PTGR3: variants seen among roughly 807,000 people sequenced by gnomAD.
The protein encoded by PTGR3 is zinc binding alcohol dehydrogenase domain containing 2.
At chr18:75,205,623 T>A in the PTGR3 span, 1 of 434,766 alleles carries the variant, frequency 2.3e-6, no homozygotes, top group Non-Finnish European at 3.1e-6. Flanking sequence ...AACGCTTTCC[T>A]CTGAACAAAA....
the PTGR3 span, chr18:75,201,205 C>A: frequency 5.4e-6 from 3 of 554,434 alleles, no homozygotes; most frequent in Non-Finnish European, 9.5e-6. Flanking sequence ...TCCCTCTTAG[C>A]CATGGAGGGA....
the PTGR3 span, among the ~76,000 whole-genome samples, chr18:75,204,254 C>T: frequency 4.6e-5 from 7 of 152,256 alleles, no homozygotes; most frequent in East Asian, 1.2e-3. Flanking sequence ...GAAAATGCAA[C>T]CCCCCCTCTC....
At chr18:75,201,527 G>A in the PTGR3 span, 1 of 1,613,976 alleles carries the variant, frequency 6.2e-7, no homozygotes, top group Non-Finnish European at 8.5e-7. Context: ...CAGTAAACCT[G>A]CCCTCTGGAG....
the PTGR3 span, chr18:75,208,852 G>A: frequency 2.0e-6 from 3 of 1,505,896 alleles, no homozygotes; most frequent in Non-Finnish European, 8.9e-7. Context: ...GGGCTCACCG[G>A]TTCCGGACGA....
At chr18:75,208,296 A>C in the PTGR3 span, 1 of 979,394 alleles carries the variant, frequency 1.0e-6, no homozygotes, top group East Asian at 1.1e-4. Flanking sequence ...CACGCAGACA[A>C]CACCGGCGAG....
chr18:75,205,289 C>A, the PTGR3 span: 1 of 985,636 alleles, frequency 1.0e-6, no homozygotes, highest in Non-Finnish European at 1.2e-6. Flanking sequence ...GGATGGGGAG[C>A]AGGGGCGGAA....
chr18:75,208,564 A>G, the PTGR3 span: 9 of 553,106 alleles, frequency 1.6e-5, no homozygotes, highest in South Asian at 8.2e-5. Context: ...CGGGAGGGGG[A>G]GGAGGGAGGG....
the PTGR3 span, among the ~76,000 whole-genome samples, chr18:75,206,505 C>G: frequency 6.6e-6 from 1 of 152,176 alleles, no homozygotes; most frequent in African/African-American, 2.4e-5. Context: ...TTAAAATGAA[C>G]TAACCTGCAG....
chr18:75,208,396 C>T, the PTGR3 span: 2 of 989,022 alleles, frequency 2.0e-6, no homozygotes, highest in South Asian at 9.4e-5. Context: ...GGGTCCCAGC[C>T]TCCTTCCTCC....
chr18:75,202,074 G>T, the PTGR3 span: 1 of 1,614,090 alleles, frequency 6.2e-7, no homozygotes, highest in Non-Finnish European at 8.5e-7. Context: ...GATGTATGCG[G>T]TGGTGCCACT....
chr18:75,196,657 A>AAAAAAAAAG, the PTGR3 span: 253 of 127,936 alleles, frequency 2.0e-3, 1 homozygote, highest in African/African-American at 4.4e-3. Context: ...AAAAAAAAAA[A>AAAAAAAAAG]GTCTGTACTT....
At chr18:75,196,839 C>T in the PTGR3 span, 3 of 151,962 alleles carry the variant, frequency 2.0e-5, no homozygotes, top group Admixed American at 6.6e-5. Context: ...AGAATAGACT[C>T]GAGGACAATG....
chr18:75,201,680 TGGCA>T, the PTGR3 span: 1 of 1,614,194 alleles, frequency 6.2e-7, no homozygotes, highest in Non-Finnish European at 8.5e-7. Flanking sequence ...GCAGTTTGGC[TGGCA>T]ATGTTCCTGC....
At chr18:75,205,438 G>A in the PTGR3 span, 2 of 985,290 alleles carry the variant, frequency 2.0e-6, no homozygotes, top group Admixed American at 1.2e-4. Context: ...AATCCGACGG[G>A]AGGATCCACT....
chr18:75,208,237 G>A, the PTGR3 span: 1 of 838,784 alleles, frequency 1.2e-6, no homozygotes, highest in Non-Finnish European at 1.4e-6. Context: ...GCGCCACGCG[G>A]CGGTCGTTAA....
chr18:75,202,655 T>C, the PTGR3 span, among the ~76,000 whole-genome samples: 1 of 84,556 alleles, frequency 1.2e-5, no homozygotes, highest in African/African-American at 5.1e-5. Flanking sequence ...CTTTCAAAAG[T>C]AGAAATAAGC....
the PTGR3 span, chr18:75,197,919 C>T: frequency 6.6e-6 from 1 of 152,024 alleles, no homozygotes; most frequent in Non-Finnish European, 1.5e-5. Flanking sequence ...AGTTTTTATT[C>T]TGAAAGCTGT....
chr18:75,198,517 T>A, the PTGR3 span: 1 of 151,846 alleles, frequency 6.6e-6, no homozygotes, highest in Non-Finnish European at 1.5e-5. Context: ...AACTATTCCC[T>A]GAATTTTTTT....
At chr18:75,204,986 G>C in the PTGR3 span, among the ~76,000 whole-genome samples, 3 of 152,178 alleles carry the variant, frequency 2.0e-5, no homozygotes, top group African/African-American at 7.2e-5. Flanking sequence ...CTTCTAAATT[G>C]TCTGCGTCGT....
Sources: gnomAD v4.1 joint callset for allele counts (sites outside exome capture counted in the v4.1 genomes callset) on GRCh38, gnomAD v4.1.1 for gene constraint, MANE v1.5 for transcripts, NCBI Gene and HGNC (gene_info 2026-07-23, HGNC 2026-07-21) for gene names.